ERO1A: variants seen among roughly 807,000 people sequenced by gnomAD.
ERO1A encodes the protein ERO1-like protein alpha.
A neutral mutation model predicts 76.9 loss-of-function variants in ERO1A; 49 were observed. The observed-to-expected ratio is 0.64, with a 90% confidence interval of 0.51 to 0.81. ERO1A has a LOEUF of 0.81. ERO1A is among the 30% of genes least tolerant of loss of function. The pLI is 0.00. For synonymous variants in ERO1A, 174 were observed against 181.2 expected, an observed-to-expected ratio of 0.96 and a Z score of 0.32; for missense variants, 448 against 542.1, an observed-to-expected ratio of 0.83 and a Z score of 1.72.
Position 52,646,243 on chromosome 14 carries a change from T to C in ERO1A, c.1257A>G (p.Lys419=). 1 of 1,613,970 alleles carries C rather than the reference T, an allele frequency of 6.2e-7. No homozygotes were observed. Among genetic ancestry groups the C allele is most frequent in the Non-Finnish European group, 8.5e-7 (1 of 1,179,946 alleles). ...CACTTTCTGGCATATTTGCTATCAA[T>C]TTCTCAGAAAATAAGATCTTCAGAG... The part of the protein sequence containing the change: ...GTALKILFSE[K]LIANMPESGP... The change falls in exon 15 of 16, where the codon AAA becomes AAG. Residue 419 remains lysine, a synonymous_variant. Coordinates refer to ENST00000395686, the MANE Select transcript of ERO1A (RefSeq NM_014584.3).
intron 4 of ERO1A, among the ~76,000 whole-genome samples, chr14:52,674,238 C>T (rs1376365131): frequency 3.9e-5 from 6 of 152,176 alleles, no homozygotes; most frequent in Admixed American, 3.9e-4. Context: ...CTCTGTCTCC[C>T]AAGCTGGAGT....
chr14:52,669,110 A>G (rs1392258376), intron 6 of ERO1A, among the ~76,000 whole-genome samples: 1 of 152,178 alleles, frequency 6.6e-6, no homozygotes, highest in Non-Finnish European at 1.5e-5. Context: ...TTAGGATTTT[A>G]AAAATACTTT....
At chr14:52,663,212 T>C (rs2040284687) in intron 8 of ERO1A, among the ~76,000 whole-genome samples, 1 of 152,174 alleles carries the variant, frequency 6.6e-6, no homozygotes, top group Non-Finnish European at 1.5e-5. Context: ...ATTAAAAAAC[T>C]GACATTTTAC....
At chr14:52,647,701 T>A (rs1398565207) in intron 13 of ERO1A, among the ~76,000 whole-genome samples, 1 of 152,126 alleles carries the variant, frequency 6.6e-6, no homozygotes, top group Non-Finnish European at 1.5e-5. Flanking sequence ...CAAGAACACA[T>A]CCTTCTTTTC....
intron 13 of ERO1A, 95 bp from the exon 14 acceptor site, chr14:52,646,556 G>A (rs1182452559): frequency 1.2e-6 from 1 of 801,058 alleles, no homozygotes; most frequent in East Asian, 2.6e-5. Context: ...CACTGTGCAA[G>A]GTACTATGGG....
chr14:52,686,821 G>T lies in ERO1A; in HGVS notation c.115-2914C>A, dbSNP rs145301630. Among the ~76,000 whole-genome samples, 4 of 151,836 alleles carry T rather than the reference G, an allele frequency of 2.6e-5. No homozygotes were observed. In the East Asian group the frequency reaches 7.8e-4, roughly 29 times the overall value. ...ACCGGGGAGGCAGAGATTGCAGTGA[G>T]CCAAGATCACACCACTGCACTCCAG... On this transcript the variant is annotated intron_variant, in intron 1 of 15. Transcript: ENST00000395686.
At chr14:52,652,667 G>A (rs2039911787) in intron 12 of ERO1A, among the ~76,000 whole-genome samples, 1 of 152,140 alleles carries the variant, frequency 6.6e-6, no homozygotes, top group Non-Finnish European at 1.5e-5. Context: ...TTTTAATTAT[G>A]TTCTAAATAG....
At chr14:52,665,251 G>A (rs760739564) in intron 7 of ERO1A, among the ~76,000 whole-genome samples, 2 of 140,048 alleles carry the variant, frequency 1.4e-5, no homozygotes, top group South Asian at 4.5e-4. Context: ...GCGGTAAGCA[G>A]AGATGACGTC....
At chr14:52,690,934 A>G (rs1416724633) in intron 1 of ERO1A, among the ~76,000 whole-genome samples, 1 of 151,942 alleles carries the variant, frequency 6.6e-6, no homozygotes, top group Non-Finnish European at 1.5e-5. Flanking sequence ...CGCCCAGCTA[A>G]TTTTGTATTT....
chr14:52,682,610 C>T (rs2041035279), intron 2 of ERO1A, among the ~76,000 whole-genome samples: 1 of 152,088 alleles, frequency 6.6e-6, no homozygotes, highest in South Asian at 2.1e-4. Context: ...TAGAAAGACA[C>T]AGACTGGGCC....
At chr14:52,652,183 A>G (rs1374761356) in intron 13 of ERO1A, 56 bp downstream of exon 13, 16 of 1,090,082 alleles carry the variant, frequency 1.5e-5, no homozygotes, top group Middle Eastern at 2.1e-4. Context: ...CTATATATTC[A>G]TATCTGCATA....
intron 7 of ERO1A, among the ~76,000 whole-genome samples, chr14:52,664,865 G>C (rs936398093): frequency 4.0e-5 from 6 of 151,776 alleles, no homozygotes. Context: ...CTAATTTTTT[G>C]TATTTTTAGT....
chr14:52,652,897 A>AG (rs1210397932), intron 12 of ERO1A, among the ~76,000 whole-genome samples, 172 bp downstream of exon 12: 1 of 152,030 alleles, frequency 6.6e-6, no homozygotes, highest in African/African-American at 2.4e-5. Context: ...TCTTGGGCTG[A>AG]GATGGGAGGA....
At chr14:52,645,613 G>C (rs1032858069) in intron 15 of ERO1A, among the ~76,000 whole-genome samples, 1 of 151,926 alleles carries the variant, frequency 6.6e-6, no homozygotes, top group African/African-American at 2.4e-5. Context: ...AAAGTCAATA[G>C]AGGAAAATAA....
chr14:52,657,301 C>T (rs1020898760), intron 11 of ERO1A, among the ~76,000 whole-genome samples: 17 of 152,190 alleles, frequency 1.1e-4, no homozygotes, highest in Admixed American at 1.1e-3. Flanking sequence ...CAAACTTTTT[C>T]CTGGGCAAAG....
intron 4 of ERO1A, among the ~76,000 whole-genome samples, chr14:52,672,886 T>C (rs1260994729): frequency 3.3e-5 from 5 of 151,350 alleles, no homozygotes; most frequent in Non-Finnish European, 7.4e-5. Flanking sequence ...AGAATATAAA[T>C]GTATCCAATT....
intron 4 of ERO1A, among the ~76,000 whole-genome samples, chr14:52,676,917 AC>A (rs1381627211): frequency 2.6e-5 from 4 of 151,800 alleles, no homozygotes; most frequent in African/African-American, 9.7e-5. Flanking sequence ...TTCCATCCCA[AC>A]CTATTTTAAT....
chr14:52,666,493 T>C lies in ERO1A; in HGVS notation c.511A>G (p.Ile171Val), dbSNP rs1374146825. ...SSDNFCEADD[I>V]QSPEAEYVDL... ...ACATATTCAGCTTCAGGGGACTGAATGTCTGTAAAATAAAATGTCTTATTA... is the reference window on the plus strand; with the variant it reads ...ACATATTCAGCTTCAGGGGACTGAACGTCTGTAAAATAAAATGTCTTATTA... The change falls in exon 7 of 16, where the codon ATT becomes GTT. Residue 171 changes from isoleucine to valine, a missense_variant and splice_region_variant. This residue lies in a region of ERO1A where 302 missense variants were observed against 411.9 expected (regional missense o/e 0.73). Coordinates refer to ENST00000395686, the MANE Select transcript of ERO1A (RefSeq NM_014584.3). 1.2e-6 allele frequency: 2 copies of C among 1,606,152 alleles called. No homozygotes were observed. Among genetic ancestry groups the C allele is most frequent in the Admixed American group, 1.7e-5 (1 of 57,792 alleles).
chr14:52,686,810 G>A (rs1488548688), intron 1 of ERO1A, among the ~76,000 whole-genome samples: 1 of 151,922 alleles, frequency 6.6e-6, no homozygotes. Flanking sequence ...GGGAGGCAGA[G>A]ATTGCAGTGA....
Sources: gnomAD v4.1 joint callset for allele counts (sites outside exome capture counted in the v4.1 genomes callset) on GRCh38, gnomAD v4.1.1 for gene constraint, gnomAD v4.1.1 regional missense constraint, MANE v1.5 for transcripts, NCBI Gene and HGNC (gene_info 2026-07-23, HGNC 2026-07-21) for gene names.